Variants in ABCB9 observed in about 807,000 individuals in gnomAD.
The protein encoded by ABCB9 is ABC-type oligopeptide transporter ABCB9.
Under a neutral mutation model 62.0 loss-of-function variants are expected in ABCB9, and 36 were observed. That is an observed-to-expected ratio of 0.58 (90% confidence interval 0.45 to 0.77). The LOEUF (loss-of-function observed/expected upper bound fraction) is 0.77. Among genes scored for constraint, ABCB9 ranks in the 30% least tolerant of loss-of-function variants. The pLI is 0.00. For missense variants in ABCB9, 943 were observed against 1,054.7 expected (o/e 0.89, Z 1.47); for synonymous variants, 435 against 461.4 (o/e 0.94, Z 0.73).
chr12:122,944,407 A>G lies in ABCB9; in HGVS notation c.1364T>C (p.Leu455Pro). 1 of 1,611,112 alleles carries G rather than the reference A, an allele frequency of 6.2e-7. No individual in the cohort carries two copies. The highest frequency in any genetic ancestry group is 8.5e-7 in the Non-Finnish European group (1 of 1,179,132). The change falls in exon 7 of 12, where the codon CTG (leucine) becomes CCG (proline). Residue 455 changes from leucine (L) to proline (P), a missense_variant. Leu to Pro is a moderately conservative substitution (Grantham distance 98). Transcript: ENST00000280560. The surrounding 1 kb of genome is among the most constrained non-coding windows in gnomAD (Gnocchi z 4.9). ...GCCTCTCACCTCCATACAATCTCCC[A>G]GGACAAACTCGTAGATGATGAAGGC... is the stretch of plus-strand genomic sequence containing the variant. Reference protein sequence around the residue: ...LIAFIIYEFVLGDCMESVGSV... With the variant: ...LIAFIIYEFVPGDCMESVGSV...
At position 122,959,835 on chromosome 12, in the gene ABCB9, C is replaced by T; in HGVS notation, c.401G>A (p.Trp134Ter). ...YISLGASFLLWWLLSTVRPGT... is the reference protein window; with the variant it reads ...YISLGASFLL ...TGGCCGCACGGTGGACAGCAGCCAC[C>T]AGAGCAGGAAGGATGCGCCGAGTGA... Residue 134 changes from tryptophan (W) to a stop codon, truncating the protein, a stop_gained, in exon 2 of 12, where the codon TGG (tryptophan) becomes TAG (stop). Coordinates refer to ENST00000280560, the MANE Select transcript of ABCB9 (RefSeq NM_019625.4). LOFTEE classifies it high-confidence loss of function. This position sits in a 1 kb window ranked among gnomAD's most constrained non-coding sequence, Gnocchi z 5.4. The T allele has an allele frequency of 6.2e-7, 1 of 1,613,160 alleles. No individual in the cohort carries two copies. The highest frequency in any genetic ancestry group is 8.5e-7 in the Non-Finnish European group (1 of 1,179,784).
rs765417917 is a variant in ABCB9, at chr12:122,959,683, C to T, written c.553G>A (p.Val185Met). 2.2e-5 allele frequency: 35 copies of T among 1,591,392 alleles called. No individual in the cohort carries two copies. The Admixed American group carries it at 2.6e-4, about 12-fold the overall frequency. ...AAGGAGGCGGCCACGAGGAAGGCCACGTCGGGCTTGGTGTAGGAGAGCAGC... is the reference window on the plus strand; with the variant it reads ...AAGGAGGCGGCCACGAGGAAGGCCATGTCGGGCTTGGTGTAGGAGAGCAGC... ...QKLLSYTKPD[V>M]AFLVAASFFL... The change falls in exon 2 of 12, where the codon GTG becomes ATG. Residue 185 changes from valine (V) to methionine (M), a missense_variant. Coordinates refer to ENST00000280560, the MANE Select transcript of ABCB9 (RefSeq NM_019625.4). The surrounding 1 kb of genome is among the most constrained non-coding windows in gnomAD (Gnocchi z 5.4).
rs556811593 is a variant in ABCB9 at position 122,964,819 on chromosome 12, C to T, written c.-88+1468G>A. ...AGACAGGGGTGGCTCGCCCTGACTC[C>T]GTGCACTAAAGAATGGCACAGGATA... On this transcript the variant is annotated intron_variant, in intron 1 of 11. Transcript: ENST00000280560. This position sits in a 1 kb window ranked among gnomAD's most constrained non-coding sequence, Gnocchi z 4.7. Among the ~76,000 whole-genome samples the T allele has an allele frequency of 5.3e-5, 8 of 152,324 alleles. No individual in the cohort carries two copies. The highest frequency in any genetic ancestry group is 1.4e-4 in the African/African-American group (6 of 41,568).
intron 7 of ABCB9, among the ~76,000 whole-genome samples, chr12:122,943,302 AC>A (rs903934716): frequency 6.6e-6 from 1 of 150,804 alleles, no homozygotes; most frequent in Non-Finnish European, 1.5e-5. Context: ...TTCCACTCCC[AC>A]CCCCGTTTCC....
In ABCB9 at chr12:122,953,542, T is replaced by G. The variant is rs550227514; in HGVS notation, c.602-2977A>C. Among the ~76,000 whole-genome samples the G allele has an allele frequency of 1.0e-3, 157 of 152,164 alleles. 1 individual carries two copies. Among genetic ancestry groups the G allele is most frequent in the Middle Eastern group, 6.8e-3 (2 of 294 alleles). On this transcript the variant is annotated intron_variant, in intron 2 of 11. Transcript: ENST00000280560. ...AGCTGGGATTACAGACACCTGCCATTGCACCTGGCTAATTTTTGTATTTTT... is the reference window on the plus strand; with the variant it reads ...AGCTGGGATTACAGACACCTGCCATGGCACCTGGCTAATTTTTGTATTTTT...
upstream of ABCB9, among the ~76,000 whole-genome samples, chr12:122,968,506 A>G (rs148007765): frequency 3.8e-3 from 585 of 152,314 alleles, 1 homozygote; most frequent in Middle Eastern, 0.014. Context: ...TATAGCAAAA[A>G]TCAACAGGAG....
At chr12:122,935,163 T>C in intron 10 of ABCB9, 109 bp downstream of exon 10, 3 of 1,321,302 alleles carry the variant, frequency 2.3e-6, no homozygotes, top group Non-Finnish European at 3.0e-6. Context: ...CGGGACCCCA[T>C]CTCTACAAAA....
In ABCB9 at chr12:122,934,309, A is replaced by C. The variant is rs144802074; in HGVS notation, c.1903+963T>G. The stretch of plus-strand genomic sequence containing the variant: ...GTCTCTTGACCTTATTCCTAAGGGA[A>C]AATTTTTATCTTTTGATCAACATCT... On this transcript the variant is annotated intron_variant, in intron 10 of 11. Transcript: ENST00000280560. Among the ~76,000 whole-genome samples the C allele has an allele frequency of 6.4e-3, 977 of 152,312 alleles. 14 individuals are homozygous for C. The highest frequency in any genetic ancestry group is 0.023 in the African/African-American group (941 of 41,556).
downstream of ABCB9, among the ~76,000 whole-genome samples, chr12:122,920,338 C>G (rs931278455): frequency 3.4e-5 from 5 of 147,692 alleles, no homozygotes; most frequent in African/African-American, 1.3e-4. Flanking sequence ...GTGCAACAAG[C>G]AGCCCTTAGT....
At chr12:122,969,265 G>A (rs2037244677), upstream of ABCB9, among the ~76,000 whole-genome samples, 1 of 151,356 alleles carries the variant, frequency 6.6e-6, no homozygotes, top group African/African-American at 2.4e-5. Context: ...ACTGGCTCTG[G>A]TAAACTTGGA....
intron 9 of ABCB9, among the ~76,000 whole-genome samples, chr12:122,936,569 C>T (rs2135785385): frequency 6.6e-6 from 1 of 150,406 alleles, no homozygotes; most frequent in East Asian, 2.0e-4. Flanking sequence ...AGTTTGAGAT[C>T]AGCCTGAGCA....
chr12:122,938,028 T>C (rs1345126885), intron 9 of ABCB9, among the ~76,000 whole-genome samples: 1 of 152,172 alleles, frequency 6.6e-6, no homozygotes. Context: ...AGAATGTAAA[T>C]TGTAAAATGT....
chr12:122,940,170 G>A lies in ABCB9; in HGVS notation c.1684C>T (p.Arg562Trp), dbSNP rs1020345009. Residue 562 changes from arginine (R) to tryptophan (W), a missense_variant, in exon 9 of 12, where the codon CGG becomes TGG. Coordinates refer to ENST00000280560, the MANE Select transcript of ABCB9 (RefSeq NM_019625.4). This position sits in a 1 kb window ranked among gnomAD's most constrained non-coding sequence, Gnocchi z 4.8. ...ATGGGCTTGCCGTCCAGCAGCACCC[G>A]GCCCCCCTCCAGGGGGTAGAAGTTC... Reference protein sequence around the residue: ...LENFYPLEGGRVLLDGKPISA... With the variant: ...LENFYPLEGGWVLLDGKPISA... 2.3e-5 allele frequency: 37 copies of A among 1,613,454 alleles called. No individual in the cohort carries two copies. The highest frequency in any genetic ancestry group is 3.3e-5 in the Admixed American group (2 of 59,900).
intron 1 of ABCB9, chr12:122,972,963 C>T (rs980641057): frequency 3.9e-5 from 6 of 152,226 alleles, no homozygotes; most frequent in Admixed American, 2.0e-4. Context: ...TTCTGGTCTG[C>T]TACTCACTAG....
chr12:122,949,658 T>C, intron 4 of ABCB9, 130 bp downstream of exon 4: 3 of 1,268,254 alleles, frequency 2.4e-6, no homozygotes, highest in Non-Finnish European at 3.3e-6. Flanking sequence ...GTTCCCAGCC[T>C]GAACTAACAG....
In ABCB9 at chr12:122,944,363, T is replaced by C. The variant is rs547150049; in HGVS notation, c.1380+28A>G. The C allele has an allele frequency of 6.5e-7, 1 of 1,534,984 alleles. No individual in the cohort carries two copies. The highest frequency in any genetic ancestry group is 1.1e-5 in the South Asian group (1 of 89,030). On this transcript the variant is annotated intron_variant, in intron 7 of 11. Coordinates refer to ENST00000280560, the MANE Select transcript of ABCB9 (RefSeq NM_019625.4). The surrounding 1 kb of genome is among the most constrained non-coding windows in gnomAD (Gnocchi z 4.9). ...CTTCCCCAAACTCCTCCCTTCTCTC[T>C]GGATCCCCGGACACACTGGCCTCTC...
At chr12:122,926,259 A>T (rs958519989), downstream of ABCB9, among the ~76,000 whole-genome samples, 2 of 152,158 alleles carry the variant, frequency 1.3e-5, no homozygotes, top group Non-Finnish European at 2.9e-5. Flanking sequence ...TTTTAAAAAC[A>T]TTAGGCTGGG....
intron 1 of ABCB9, among the ~76,000 whole-genome samples, chr12:122,972,417 GA>G (rs1332265281): frequency 6.6e-6 from 1 of 152,210 alleles, no homozygotes; most frequent in Non-Finnish European, 1.5e-5. Flanking sequence ...AAGCAGTCGA[GA>G]AAAATAACAG....
intron 6 of ABCB9, among the ~76,000 whole-genome samples, chr12:122,945,390 G>C (rs764556045): frequency 1.3e-5 from 2 of 152,084 alleles, no homozygotes; most frequent in Non-Finnish European, 2.9e-5. Flanking sequence ...CCAAGGAGAG[G>C]CTGTGACGCA....
Sources: gnomAD v4.1 joint callset for allele counts (sites outside exome capture counted in the v4.1 genomes callset) on GRCh38, gnomAD v4.1.1 for gene constraint, Gnocchi (gnomAD v3.1) non-coding constraint, MANE v1.5 for transcripts, NCBI Gene and HGNC (gene_info 2026-07-23, HGNC 2026-07-21) for gene names.